The following SLC14A2 variants were observed in gnomAD, a reference collection of about 807,000 sequenced individuals.
The protein encoded by SLC14A2 is urea transporter 2.
A neutral mutation model predicts 104.6 loss-of-function variants in SLC14A2; 91 were observed. The ratio of observed to expected loss-of-function variants is 0.87; its 90% CI spans 0.73 to 1.04. The LOEUF (loss-of-function observed/expected upper bound fraction) is 1.04. Ranked by LOEUF, SLC14A2 falls within the 50% of genes least tolerant of loss-of-function variation. The pLI, the probability that SLC14A2 is intolerant of heterozygous loss-of-function variation, is 0.00. For missense variants in SLC14A2, 1,189 were observed against 1,156.0 expected (o/e 1.03, Z -0.41); for synonymous variants, 476 against 466.4 (o/e 1.02, Z -0.27).
the SLC14A2 span, among the ~76,000 whole-genome samples, chr18:45,174,977 T>C: frequency 6.6e-6 from 1 of 152,288 alleles, no homozygotes; most frequent in Middle Eastern, 3.4e-3. Context: ...ACATACCCTG[T>C]TGTCAAGGCT....
Position 45,663,927 on chromosome 18 carries a change from C to T in SLC14A2, c.1474+20C>T. On this transcript the variant is annotated intron_variant, in intron 11 of 19. Coordinates refer to ENST00000255226, the MANE Select transcript of SLC14A2 (RefSeq NM_007163.4). ...GCAAAGGTGTGCATGTCCTCCCCCT[C>T]ACGCTTGGATCCCTGCCTTCCTAGT... 5.0e-6 allele frequency: 8 copies of T among 1,599,492 alleles called. No individual in the cohort carries two copies. Among genetic ancestry groups the T allele is most frequent in the Non-Finnish European group, 6.8e-6 (8 of 1,172,258 alleles).
chr18:45,666,306 G>A, intron 12 of SLC14A2, 87 bp downstream of exon 12: 4 of 872,074 alleles, frequency 4.6e-6, no homozygotes, highest in Non-Finnish European at 7.4e-6. Context: ...TGTAAACAAG[G>A]TTCTCCGATT....
chr18:45,561,872 A>C (rs2044204772), intron 2 of SLC14A2, among the ~76,000 whole-genome samples: 1 of 151,998 alleles, frequency 6.6e-6, no homozygotes, highest in South Asian at 2.1e-4. Flanking sequence ...CAACATTTCT[A>C]TTTGGGGATC....
chr18:45,485,556 G>C (rs1208104536), intron 2 of SLC14A2, among the ~76,000 whole-genome samples: 1 of 152,122 alleles, frequency 6.6e-6, no homozygotes, highest in Non-Finnish European at 1.5e-5. Context: ...GGGGCCCCAA[G>C]AGGGAAGAAA....
chr18:45,553,436 T>G (rs1232946270), intron 2 of SLC14A2, among the ~76,000 whole-genome samples: 3 of 152,186 alleles, frequency 2.0e-5, no homozygotes, highest in African/African-American at 7.2e-5. Context: ...TGGGCAATAG[T>G]GTTGATGGGT....
chr18:45,565,691 G>T (rs766481384), intron 2 of SLC14A2, among the ~76,000 whole-genome samples: 1 of 152,168 alleles, frequency 6.6e-6, no homozygotes, highest in Admixed American at 6.5e-5. Context: ...CCCAGCACAC[G>T]CATCGGCTCC....
At chr18:45,174,628 GCA>G in the SLC14A2 span, among the ~76,000 whole-genome samples, 1 of 152,072 alleles carries the variant, frequency 6.6e-6, no homozygotes, top group East Asian at 1.9e-4. Flanking sequence ...GTACCCTTCT[GCA>G]CACACACGCT....
chr18:45,575,910 G>A (rs1420388439), intron 2 of SLC14A2, among the ~76,000 whole-genome samples: 2 of 151,646 alleles, frequency 1.3e-5, no homozygotes, highest in Admixed American at 6.6e-5. Flanking sequence ...GACACTGTAC[G>A]AAGCAATACA....
At chr18:45,488,392 C>G (rs2087654161) in intron 2 of SLC14A2, among the ~76,000 whole-genome samples, 1 of 152,252 alleles carries the variant, frequency 6.6e-6, no homozygotes, top group Middle Eastern at 3.4e-3. Context: ...CAGGGCAGGA[C>G]AGGTAGTCCT....
intron 1 of SLC14A2, among the ~76,000 whole-genome samples, chr18:45,355,311 C>G (rs1159668364): frequency 6.6e-6 from 1 of 152,066 alleles, no homozygotes; most frequent in Non-Finnish European, 1.5e-5. Context: ...CGCGGTGGCT[C>G]ACACCTGTAA....
intron 2 of SLC14A2, among the ~76,000 whole-genome samples, chr18:45,532,480 A>C (rs2144835575): frequency 7.2e-6 from 1 of 139,548 alleles, no homozygotes; most frequent in South Asian, 2.3e-4. Flanking sequence ...ATGGGAGTTC[A>C]CTCATGATTT....
At chr18:45,641,403 A>G in intron 8 of SLC14A2, 60 bp downstream of exon 8, 1 of 1,589,314 alleles carries the variant, frequency 6.3e-7, no homozygotes, top group South Asian at 1.1e-5. Flanking sequence ...CCCCTTGTTT[A>G]TGTGAAACCC....
chr18:45,218,868 A>G (rs946184622), intron 1 of SLC14A2, among the ~76,000 whole-genome samples: 6 of 151,578 alleles, frequency 4.0e-5, no homozygotes, highest in South Asian at 2.1e-4. Flanking sequence ...GTCCACATGC[A>G]CTAAATCTCT....
rs1905863915 is a variant in SLC14A2 at position 45,641,097 on chromosome 18, G to T, written c.992-112G>T. The T allele has an allele frequency of 3.6e-5, 39 of 1,088,436 alleles. 1 individual carries two copies. In the South Asian group the frequency reaches 5.6e-4, roughly 16 times the overall value. 67.4% of individuals were successfully genotyped at this position (1,088,436 alleles called of 1,614,324 possible). On this transcript the variant is annotated intron_variant, in intron 7 of 19. Coordinates refer to ENST00000255226, the MANE Select transcript of SLC14A2 (RefSeq NM_007163.4). The stretch of plus-strand genomic sequence containing the variant: ...GGCTCTTTTGATGGGCAGGTTTGGA[G>T]ATGTGGGGTGAACAACAGCATGGAG...
intron 1 of SLC14A2, among the ~76,000 whole-genome samples, chr18:45,371,018 AG>A (rs1244996266): frequency 1.3e-5 from 2 of 152,212 alleles, no homozygotes; most frequent in Non-Finnish European, 2.9e-5. Flanking sequence ...AAGACAGGCC[AG>A]AGAGGCGGGC....
chr18:45,234,811 T>C (rs2084208994), intron 1 of SLC14A2, among the ~76,000 whole-genome samples: 1 of 152,202 alleles, frequency 6.6e-6, no homozygotes, highest in Non-Finnish European at 1.5e-5. Flanking sequence ...ATTATTTATA[T>C]AGCAGCATTT....
At chr18:45,336,810 CCT>C (rs898546211) in intron 1 of SLC14A2, among the ~76,000 whole-genome samples, 3 of 152,148 alleles carry the variant, frequency 2.0e-5, no homozygotes, top group Non-Finnish European at 1.5e-5. Context: ...CATCAACTGG[CCT>C]CTGTCTTTCC....
chr18:45,400,128 C>T lies in SLC14A2; in HGVS notation c.-124-83105C>T, dbSNP rs79884202. ...TTGCAAGAACAGGATAAGGACATAT[C>T]GTACACTCCTCACACAGAGACCCCA... On this transcript the variant is annotated intron_variant, in intron 1 of 20. Transcript: ENST00000586448. Among the ~76,000 whole-genome samples the T allele has an allele frequency of 9.9e-3, 1,513 of 152,316 alleles. 24 individuals are homozygous for T. The highest frequency in any genetic ancestry group is 0.035 in the African/African-American group (1,452 of 41,560).
intron 1 of SLC14A2, among the ~76,000 whole-genome samples, chr18:45,270,008 A>G (rs1225262193): frequency 1.3e-5 from 2 of 152,158 alleles, no homozygotes; most frequent in Non-Finnish European, 2.9e-5. Context: ...GGAGAAAAAC[A>G]TATTTACATT....
Sources: gnomAD v4.1 joint callset for allele counts (sites outside exome capture counted in the v4.1 genomes callset) on GRCh38, gnomAD v4.1.1 for gene constraint, MANE v1.5 for transcripts, NCBI Gene and HGNC (gene_info 2026-07-23, HGNC 2026-07-21) for gene names.